FRMPD4: variants seen among roughly 807,000 people sequenced by gnomAD.
FRMPD4 encodes FERM and PDZ domain containing 4, also known as FERM and PDZ domain-containing protein 4.
A neutral mutation model predicts 94.1 loss-of-function variants in FRMPD4; 22 were observed. That is an observed-to-expected ratio of 0.23 (90% CI 0.17 to 0.33). FRMPD4 has a LOEUF of 0.33. Ranked by LOEUF, FRMPD4 falls within the 10% of genes least tolerant of loss-of-function variation. The pLI, the probability that FRMPD4 is intolerant of heterozygous loss-of-function variation, is 1.00. For missense variants in FRMPD4, 1,111 were observed against 1,339.9 expected (o/e 0.83, Z 2.67); for synonymous variants, 631 against 548.6 (o/e 1.15, Z -2.10).
intron 1 of FRMPD4, among the ~76,000 whole-genome samples, chrX:12,446,464 C>T (rs2057196009): frequency 8.9e-6 from 1 of 111,764 alleles, no homozygotes; most frequent in African/African-American, 3.3e-5. Context: ...TAGTATTCCT[C>T]TAGTGGGAAG....
At chrX:12,310,862 C>T (rs2055020578) in intron 1 of FRMPD4, among the ~76,000 whole-genome samples, 1 of 112,181 alleles carries the variant, frequency 8.9e-6, no homozygotes, top group Admixed American at 9.4e-5. Context: ...TTTATTTATC[C>T]TTGAACTTTC....
chrX:12,546,557 A>C (rs1418315883), intron 2 of FRMPD4, among the ~76,000 whole-genome samples: 2 of 111,975 alleles, frequency 1.8e-5, no homozygotes, highest in Non-Finnish European at 3.8e-5. Context: ...AGTGTTTTCC[A>C]ATTATTTGTT....
chrX:12,571,420 G>A (rs748375478), intron 2 of FRMPD4, among the ~76,000 whole-genome samples: 9 of 112,541 alleles, frequency 8.0e-5, no homozygotes, highest in African/African-American at 2.9e-4. Context: ...GCTAAACAAA[G>A]GGTGCAGTTT....
chrX:12,403,445 C>G (rs766164882), intron 1 of FRMPD4, among the ~76,000 whole-genome samples: 2 of 111,124 alleles, frequency 1.8e-5, no homozygotes, highest in South Asian at 7.6e-4. Context: ...TAGCACCCCT[C>G]TTTCTACTCC....
chrX:12,003,714 A>T (rs768095354), intron 3 of FRMPD4, among the ~76,000 whole-genome samples: 13 of 112,485 alleles, frequency 1.2e-4, no homozygotes, highest in Non-Finnish European at 2.1e-4. Context: ...CCAGGCAAGT[A>T]TATATTGAGA....
At chrX:12,636,147 A>C (rs1385725994) in intron 4 of FRMPD4, among the ~76,000 whole-genome samples, 2 of 112,297 alleles carry the variant, frequency 1.8e-5, no homozygotes, top group African/African-American at 3.2e-5. Context: ...TGGTCTCATA[A>C]AATAATTTCT....
rs191548082 is a variant in FRMPD4 at position 12,460,074 on chromosome X, A to G, written c.42-38606A>G. 9.8e-5 allele frequency among the ~76,000 whole-genome samples: 11 copies of G among 112,057 alleles called. No individual in the cohort carries two copies. In the East Asian group the frequency reaches 2.8e-3, roughly 28 times the overall value. On this transcript the variant is annotated intron_variant, in intron 1 of 16. Transcript: ENST00000675598. ...ACTGAGCATCTTTAATGTGTATATG[A>G]AATGTCTGATCAAATATTTTTACCA...
chrX:12,410,388 T>C (rs949010465), intron 1 of FRMPD4, among the ~76,000 whole-genome samples: 1 of 111,753 alleles, frequency 8.9e-6, no homozygotes, highest in Non-Finnish European at 1.9e-5. Flanking sequence ...TTAAGATCCG[T>C]CTGTGTTGCT....
chrX:11,954,751 A>G (rs2054245311), intron 3 of FRMPD4, among the ~76,000 whole-genome samples: 1 of 110,634 alleles, frequency 9.0e-6, no homozygotes, highest in Non-Finnish European at 1.9e-5. Flanking sequence ...CTCTATCATT[A>G]TATCTGTCAA....
chrX:12,481,588 T>C (rs1437244472), intron 1 of FRMPD4, among the ~76,000 whole-genome samples: 1 of 110,606 alleles, frequency 9.0e-6, no homozygotes, highest in Non-Finnish European at 1.9e-5. Flanking sequence ...ACACATATTT[T>C]GTCTGTTTCA....
chrX:12,566,527 T>C (rs1474289010), intron 2 of FRMPD4, among the ~76,000 whole-genome samples: 2 of 111,986 alleles, frequency 1.8e-5, no homozygotes, highest in Non-Finnish European at 3.8e-5. Flanking sequence ...GGATTTTCTA[T>C]TGTGTGATTA....
chrX:12,621,197 T>C (rs2059284623), intron 4 of FRMPD4, among the ~76,000 whole-genome samples: 1 of 110,845 alleles, frequency 9.0e-6, no homozygotes, highest in Non-Finnish European at 1.9e-5. Flanking sequence ...ACCAGTGGAC[T>C]CCAGCCTGGG....
intron 14 of FRMPD4, 56 bp from the exon 15 acceptor site, chrX:12,716,013 C>CCCCCCCACA: frequency 5.5e-6 from 2 of 365,421 alleles, no homozygotes; most frequent in Non-Finnish European, 4.8e-6. Context: ...CCACCCCCGC[C>CCCCCCCACA]CCACCCAAAA....
At chrX:12,224,978 C>A (rs1296594862) in intron 1 of FRMPD4, among the ~76,000 whole-genome samples, 1 of 111,297 alleles carries the variant, frequency 9.0e-6, no homozygotes. Flanking sequence ...TTGAATAAAC[C>A]ATTTTTCTCT....
chrX:12,269,576 A>G (rs1289652805), intron 1 of FRMPD4, among the ~76,000 whole-genome samples: 1 of 112,423 alleles, frequency 8.9e-6, no homozygotes. Flanking sequence ...AAGTAATGCT[A>G]TTATAGTGGT....
At chrX:12,496,033 A>G (rs963006461) in intron 1 of FRMPD4, among the ~76,000 whole-genome samples, 3 of 112,130 alleles carry the variant, frequency 2.7e-5, no homozygotes, top group Non-Finnish European at 5.6e-5. Flanking sequence ...ACAAACCACA[A>G]GGTAATACCC....
intron 1 of FRMPD4, among the ~76,000 whole-genome samples, chrX:11,838,376 C>A (rs955598549): frequency 1.8e-5 from 2 of 111,394 alleles, no homozygotes; most frequent in African/African-American, 6.5e-5. Context: ...TTAATAGCTG[C>A]CTTCAGGATT....
chrX:12,303,884 G>T (rs765025229), intron 1 of FRMPD4, among the ~76,000 whole-genome samples: 1 of 111,864 alleles, frequency 8.9e-6, no homozygotes, highest in African/African-American at 3.2e-5. Context: ...ACTTTATTTT[G>T]CACAAGCAGT....
intron 1 of FRMPD4, among the ~76,000 whole-genome samples, chrX:12,352,283 T>A (rs1322516923): frequency 1.8e-5 from 2 of 112,537 alleles, no homozygotes; most frequent in Non-Finnish European, 3.8e-5. Context: ...AATCATTTTT[T>A]AAAAATCACA....
Sources: allele counts gnomAD v4.1 joint callset (sites outside exome capture counted in the v4.1 genomes callset), GRCh38; gene constraint gnomAD v4.1.1; transcripts MANE v1.5; gene names NCBI Gene and HGNC (gene_info 2026-07-23, HGNC 2026-07-21).